The following SLC35D4 variants were observed in gnomAD, a reference collection of about 807,000 sequenced individuals.
SLC35D4 encodes solute carrier family 35 member D4.
At chr18:23,288,569 C>A in the SLC35D4 span, among the ~76,000 whole-genome samples, 1 of 151,906 alleles carries the variant, frequency 6.6e-6, no homozygotes, top group East Asian at 1.9e-4. Context: ...CGCCCCAGGA[C>A]TGGCAAATTA....
chr18:23,332,421 T>C, the SLC35D4 span, among the ~76,000 whole-genome samples: 1 of 125,532 alleles, frequency 8.0e-6, no homozygotes, highest in African/African-American at 3.3e-5. Context: ...TGTTGTATTA[T>C]GTAGATGTTG....
the SLC35D4 span, among the ~76,000 whole-genome samples, chr18:23,287,327 C>T: frequency 6.6e-6 from 1 of 152,190 alleles, no homozygotes; most frequent in African/African-American, 2.4e-5. Context: ...TATTCCTTTG[C>T]ACCCTTCATC....
chr18:23,285,654 G>A, the SLC35D4 span, among the ~76,000 whole-genome samples: 12 of 151,956 alleles, frequency 7.9e-5, no homozygotes, highest in South Asian at 2.1e-4. Context: ...AACCCCAAAC[G>A]TCGCTGAGTC....
At chr18:23,363,629 C>T in the SLC35D4 span, among the ~76,000 whole-genome samples, 1 of 152,076 alleles carries the variant, frequency 6.6e-6, no homozygotes, top group South Asian at 2.1e-4. Context: ...CCGCCTCAGC[C>T]TCCCAAAGTG....
At chr18:23,307,933 T>G in the SLC35D4 span, among the ~76,000 whole-genome samples, 5 of 152,104 alleles carry the variant, frequency 3.3e-5, no homozygotes, top group African/African-American at 1.2e-4. Flanking sequence ...CTGAAGAGCC[T>G]GCCTGTCCCG....
At chr18:23,292,572 A>T in the SLC35D4 span, among the ~76,000 whole-genome samples, 1 of 152,212 alleles carries the variant, frequency 6.6e-6, no homozygotes, top group Non-Finnish European at 1.5e-5. Flanking sequence ...TCCACACCTC[A>T]GCACTTCTTG....
chr18:23,347,398 CATCTCTCTCTCTCTCTCTCTTCTCTCCT>C, the SLC35D4 span, among the ~76,000 whole-genome samples: 2 of 72,100 alleles, frequency 2.8e-5, no homozygotes, highest in East Asian at 6.0e-4. Flanking sequence ...TGATAATTTG[CATCTCTCTCTCTCTCTCTCTTCTCTCCT>C]ATCTCTCTCT....
At chr18:23,387,733 TA>T in the SLC35D4 span, among the ~76,000 whole-genome samples, 3 of 152,272 alleles carry the variant, frequency 2.0e-5, no homozygotes, top group African/African-American at 7.2e-5. Context: ...CTTACCTTTT[TA>T]AAAAAACATT....
At chr18:23,365,211 T>C in the SLC35D4 span, among the ~76,000 whole-genome samples, 1 of 152,164 alleles carries the variant, frequency 6.6e-6, no homozygotes, top group Non-Finnish European at 1.5e-5. Flanking sequence ...TATTCTGCCA[T>C]AAGAGCAATA....
chr18:23,316,857 C>T, the SLC35D4 span, among the ~76,000 whole-genome samples: 1 of 152,104 alleles, frequency 6.6e-6, no homozygotes, highest in Non-Finnish European at 1.5e-5. Context: ...TAAAATGTCC[C>T]AGACACCAGG....
chr18:23,336,420 T>C, the SLC35D4 span, among the ~76,000 whole-genome samples: 1 of 152,180 alleles, frequency 6.6e-6, no homozygotes, highest in African/African-American at 2.4e-5. Flanking sequence ...AGGTTTTAAT[T>C]TTCCATGAAA....
chr18:23,262,510 C>T, the SLC35D4 span, among the ~76,000 whole-genome samples: 2 of 152,264 alleles, frequency 1.3e-5, no homozygotes, highest in Admixed American at 6.5e-5. Context: ...TGGACTGACA[C>T]TGATTGACGT....
the SLC35D4 span, among the ~76,000 whole-genome samples, chr18:23,363,446 C>T: frequency 5.2e-5 from 7 of 133,644 alleles, no homozygotes; most frequent in East Asian, 1.7e-3. Flanking sequence ...GCGATCTCAG[C>T]TCACTGCAAG....
the SLC35D4 span, among the ~76,000 whole-genome samples, chr18:23,383,400 G>A: frequency 2.1e-5 from 2 of 97,320 alleles, no homozygotes; most frequent in Non-Finnish European, 4.2e-5. Context: ...GGGCATGAAG[G>A]CCACGGGGGC....
the SLC35D4 span, among the ~76,000 whole-genome samples, chr18:23,244,694 T>C: frequency 6.6e-6 from 1 of 152,384 alleles, no homozygotes; most frequent in South Asian, 2.1e-4. Flanking sequence ...CTGTTGGCGC[T>C]GGAAGGAGCT....
chr18:23,330,750 T>A, the SLC35D4 span, among the ~76,000 whole-genome samples: 1 of 152,134 alleles, frequency 6.6e-6, no homozygotes, highest in Non-Finnish European at 1.5e-5. Context: ...TCCATTAGTC[T>A]CCACCAGCCT....
chr18:23,350,210 C>T, the SLC35D4 span, among the ~76,000 whole-genome samples: 1 of 152,210 alleles, frequency 6.6e-6, no homozygotes, highest in African/African-American at 2.4e-5. Context: ...AAATCTGTCT[C>T]CCATATAAGC....
chr18:23,257,224 C>A, the SLC35D4 span: 1 of 1,602,218 alleles, frequency 6.2e-7, no homozygotes, highest in African/African-American at 1.4e-5. Flanking sequence ...CTTTTTGTTG[C>A]AGAAACTGGA....
At chr18:23,433,182 C>T in the SLC35D4 span, among the ~76,000 whole-genome samples, 1 of 151,884 alleles carries the variant, frequency 6.6e-6, no homozygotes, top group African/African-American at 2.4e-5. Context: ...GCCTCAGCCT[C>T]CCAAGTAGCC....
Sources: allele counts gnomAD v4.1 joint callset (sites outside exome capture counted in the v4.1 genomes callset), GRCh38; gene constraint gnomAD v4.1.1; transcripts MANE v1.5; gene names NCBI Gene and HGNC (gene_info 2026-07-23, HGNC 2026-07-21).